MACROD2: variants seen among roughly 807,000 people sequenced by gnomAD.
MACROD2 encodes ADP-ribose glycohydrolase MACROD2.
MACROD2 carries 36 observed loss-of-function variants against 70.4 expected under a neutral mutation model. The observed-to-expected ratio is 0.51, with a 90% CI of 0.39 to 0.68. The LOEUF (loss-of-function observed/expected upper bound fraction) is 0.68. Among genes scored for constraint, MACROD2 ranks in the 30% least tolerant of loss-of-function variants. The pLI is 0.00. For missense variants in MACROD2, 496 were observed against 538.4 expected, an observed-to-expected ratio of 0.92 and a Z score of 0.78; for synonymous variants, 172 against 178.8, an observed-to-expected ratio of 0.96 and a Z score of 0.30.
intron 8 of MACROD2, among the ~76,000 whole-genome samples, chr20:15,558,813 A>G (rs2146602060): frequency 6.6e-6 from 1 of 152,340 alleles, no homozygotes; most frequent in East Asian, 1.9e-4. Context: ...AAGCCCTGAT[A>G]GTATCATTTC....
chr20:15,198,206 G>T (rs776698444), intron 5 of MACROD2, among the ~76,000 whole-genome samples: 6 of 151,936 alleles, frequency 3.9e-5, no homozygotes, highest in African/African-American at 1.4e-4. Flanking sequence ...TGATCCACCC[G>T]CCTCAGCCTC....
chr20:14,761,382 A>G lies in MACROD2; in HGVS notation c.418+76423A>G, dbSNP rs561530895. On this transcript the variant is annotated intron_variant, in intron 5 of 17. Coordinates refer to ENST00000684519, the MANE Select transcript of MACROD2 (RefSeq NM_001351661.2). ...GTACATTATTAATATTTGAGTCACG[A>G]TATCTATACCTGAGGTTTAAAAGCT... Among the ~76,000 whole-genome samples the G allele has an allele frequency of 2.0e-5, 3 of 152,168 alleles. No homozygotes were observed. The East Asian group carries it at 5.8e-4, about 29-fold the overall frequency.
intron 5 of MACROD2, among the ~76,000 whole-genome samples, chr20:14,825,290 A>G (rs2072889068): frequency 6.6e-6 from 1 of 152,052 alleles, no homozygotes; most frequent in African/African-American, 2.4e-5. Flanking sequence ...TTGGCAGTGA[A>G]GCAAGACAAG....
intron 4 of MACROD2, chr20:14,628,882 A>G (rs1984345426): frequency 6.6e-6 from 1 of 152,202 alleles, no homozygotes; most frequent in African/African-American, 2.4e-5. Flanking sequence ...TACCCAAGAT[A>G]AATAATCTAA....
chr20:15,738,452 T>A (rs1054149833), intron 8 of MACROD2, among the ~76,000 whole-genome samples: 1 of 152,110 alleles, frequency 6.6e-6, no homozygotes, highest in Non-Finnish European at 1.5e-5. Flanking sequence ...TCACAGAATT[T>A]AATGATATAG....
rs141238925 is a variant in MACROD2, at chr20:14,326,559, T to A, written c.272-166920T>A. Reference sequence around the variant, plus strand: ...CAGGTAGTGATTGTAACCAGTCACGTACCCATTTCATCTTGCACCCGCAAT... The same window carrying A: ...CAGGTAGTGATTGTAACCAGTCACGAACCCATTTCATCTTGCACCCGCAAT... On this transcript the variant is annotated intron_variant, in intron 3 of 17. Coordinates refer to ENST00000684519, the MANE Select transcript of MACROD2 (RefSeq NM_001351661.2). The surrounding 1 kb of genome is among the most constrained non-coding windows in gnomAD (Gnocchi z 5.5). 6.7e-4 allele frequency: 1,076 copies of A among 1,613,958 alleles called. No individual in the cohort carries two copies. The highest frequency in any genetic ancestry group is 8.4e-4 in the Non-Finnish European group (988 of 1,179,866).
chr20:14,422,708 T>G (rs1441385276), intron 3 of MACROD2, among the ~76,000 whole-genome samples: 1 of 152,204 alleles, frequency 6.6e-6, no homozygotes, highest in Non-Finnish European at 1.5e-5. Flanking sequence ...ATTGGTATCT[T>G]TATACGCTGT....
At chr20:15,565,645 T>C (rs2048300049) in intron 8 of MACROD2, among the ~76,000 whole-genome samples, 1 of 152,146 alleles carries the variant, frequency 6.6e-6, no homozygotes, top group Non-Finnish European at 1.5e-5. Context: ...AGACAAGGTC[T>C]CACTCTGTTA....
chr20:15,598,919 G>T (rs1275275434), intron 8 of MACROD2, among the ~76,000 whole-genome samples: 1 of 152,064 alleles, frequency 6.6e-6, no homozygotes, highest in Non-Finnish European at 1.5e-5. Context: ...ATTTTAACTG[G>T]AAGCCCTAAG....
At chr20:15,239,184 A>ATTTT (rs113667803) in intron 6 of MACROD2, among the ~76,000 whole-genome samples, 12,238 of 137,844 alleles carry the variant, frequency 0.089, 640 homozygotes, top group Admixed American at 0.11. Flanking sequence ...AAATGTTCAG[A>ATTTT]TTTTTTTTTT....
At chr20:14,243,433 A>G (rs1298414096) in intron 3 of MACROD2, among the ~76,000 whole-genome samples, 2 of 152,162 alleles carry the variant, frequency 1.3e-5, no homozygotes, top group African/African-American at 4.8e-5. Flanking sequence ...TGCCTAAACT[A>G]TGTCAGTAAA....
chr20:15,959,299 T>C (rs1261345509), intron 12 of MACROD2, among the ~76,000 whole-genome samples: 1 of 152,212 alleles, frequency 6.6e-6, no homozygotes, highest in Non-Finnish European at 1.5e-5. Flanking sequence ...TCCCCTGATT[T>C]TTTTCTACCA....
chr20:15,104,312 A>G (rs1568575245), intron 5 of MACROD2, among the ~76,000 whole-genome samples: 1 of 152,266 alleles, frequency 6.6e-6, no homozygotes, highest in South Asian at 2.1e-4. Context: ...GCATTCATTT[A>G]TGCCTTGGTG....
intron 6 of MACROD2, among the ~76,000 whole-genome samples, chr20:15,337,708 A>T (rs775918435): frequency 6.6e-6 from 1 of 151,776 alleles, no homozygotes; most frequent in African/African-American, 2.4e-5. Context: ...AGGTCAAAAA[A>T]AAAGAGAACA....
intron 4 of MACROD2, among the ~76,000 whole-genome samples, chr20:14,634,076 C>T (rs1410696139): frequency 1.3e-5 from 2 of 152,186 alleles, no homozygotes; most frequent in African/African-American, 2.4e-5. Flanking sequence ...CTTCACAGCC[C>T]CCTGGGCGTG....
intron 5 of MACROD2, among the ~76,000 whole-genome samples, chr20:14,800,906 C>T (rs2072567030): frequency 6.6e-6 from 1 of 151,350 alleles, no homozygotes; most frequent in Admixed American, 6.6e-5. Flanking sequence ...ACTAATTTTC[C>T]TAATTAAATC....
chr20:15,485,328 AAAGAGGTCCATC>A (rs144093535), intron 7 of MACROD2, among the ~76,000 whole-genome samples: 6,980 of 152,196 alleles, frequency 0.046, 199 homozygotes, highest in East Asian at 0.073. Flanking sequence ...CCACCTTCCC[AAAGAGGTCCATC>A]AAAGTAAATC....
chr20:15,536,100 C>G (rs980595722), intron 8 of MACROD2, among the ~76,000 whole-genome samples: 6 of 152,172 alleles, frequency 3.9e-5, no homozygotes, highest in African/African-American at 1.4e-4. Context: ...GCCTTCCACA[C>G]GATACCGTTC....
At chr20:15,427,982 A>C (rs1442008501) in intron 6 of MACROD2, among the ~76,000 whole-genome samples, 3 of 152,198 alleles carry the variant, frequency 2.0e-5, no homozygotes, top group Non-Finnish European at 4.4e-5. Context: ...ACCACAATGC[A>C]CATAGCCTCC....
Sources: gnomAD v4.1 joint callset for allele counts (sites outside exome capture counted in the v4.1 genomes callset) on GRCh38, gnomAD v4.1.1 for gene constraint, Gnocchi (gnomAD v3.1) non-coding constraint, MANE v1.5 for transcripts, NCBI Gene and HGNC (gene_info 2026-07-23, HGNC 2026-07-21) for gene names.